The following HRH2 variants were observed in gnomAD, a reference collection of about 807,000 sequenced individuals.
The protein encoded by HRH2 is histamine receptor H2.
In HRH2, 4 loss-of-function variants were observed where a neutral mutation model predicts 20.1. That is an observed-to-expected ratio of 0.20 (90% confidence interval 0.10 to 0.45). HRH2 has a LOEUF of 0.45. Ranked by LOEUF, HRH2 falls within the 20% of genes least tolerant of loss-of-function variation. The probability of loss-of-function intolerance (pLI) is 0.99; values close to 1 mark genes in which losing one functional copy is unlikely to be tolerated. For synonymous variants in HRH2, 197 were observed against 200.7 expected (o/e 0.98, Z 0.16); for missense variants, 250 against 461.6 (o/e 0.54, Z 4.20).
intron 1 of HRH2, among the ~76,000 whole-genome samples, chr5:175,682,193 A>G (rs1756003458): frequency 6.6e-6 from 1 of 152,192 alleles, no homozygotes; most frequent in Admixed American, 6.5e-5. Flanking sequence ...TTATTACCTG[A>G]CCCTTTTCTG....
chr5:175,704,744 A>G (rs531233119), intron 2 of HRH2, among the ~76,000 whole-genome samples: 118 of 152,316 alleles, frequency 7.7e-4, no homozygotes, highest in African/African-American at 2.6e-3. Flanking sequence ...ATTGCCAGAC[A>G]TAAAATCAAC....
chr5:175,684,536 G>A (rs1220843368), intron 2 of HRH2, among the ~76,000 whole-genome samples: 1 of 152,248 alleles, frequency 6.6e-6, no homozygotes, highest in Non-Finnish European at 1.5e-5. Flanking sequence ...GACTTGGCAA[G>A]GGCCGCACAG....
chr5:175,680,604 A>G (rs1755929457), intron 1 of HRH2, among the ~76,000 whole-genome samples: 1 of 152,224 alleles, frequency 6.6e-6, no homozygotes, highest in African/African-American at 2.4e-5. Context: ...CAAGGGTGAC[A>G]TGATTCTTCC....
intron 1 of HRH2, among the ~76,000 whole-genome samples, chr5:175,674,806 C>G (rs1755700022): frequency 6.6e-6 from 1 of 152,216 alleles, no homozygotes; most frequent in South Asian, 2.1e-4. Flanking sequence ...CTCCAAGGAA[C>G]AGCCACAGCC....
rs1421973416 is a variant in HRH2, at chr5:175,693,700, C to A, written c.1076+9391C>A. On this transcript the variant is annotated intron_variant, in intron 2 of 2. Coordinates refer to ENST00000636584, the MANE Select transcript of HRH2 (RefSeq NM_001367711.1). This position sits in a 1 kb window ranked among gnomAD's most constrained non-coding sequence, Gnocchi z 4.4. ...CATGTCTGTTGCCATCCTTCCTATT[C>A]CCTGAAGTCACAGCTCTGTGCTCCC... Among the ~76,000 whole-genome samples the A allele has an allele frequency of 1.3e-5, 2 of 152,182 alleles. No individual in the cohort carries two copies. The highest frequency in any genetic ancestry group is 4.8e-5 in the African/African-American group (2 of 41,444).
rs763321283 is a variant in HRH2 at position 175,672,478 on chromosome 5, G to A, written c.-525-10231G>A. On this transcript the variant is annotated intron_variant, in intron 1 of 2. Coordinates refer to ENST00000636584, the MANE Select transcript of HRH2 (RefSeq NM_001367711.1). ...TAAACCTTAATTTTCTTATCTATAAGATAGAGATGAATAGTGGTACCCACA... is the reference window on the plus strand; with the variant it reads ...TAAACCTTAATTTTCTTATCTATAAAATAGAGATGAATAGTGGTACCCACA... 3.0e-4 allele frequency among the ~76,000 whole-genome samples: 45 copies of A among 152,200 alleles called. 1 individual carries two copies. Among genetic ancestry groups the A allele is most frequent in the Non-Finnish European group, 4.4e-5 (3 of 68,044 alleles).
intron 2 of HRH2, among the ~76,000 whole-genome samples, chr5:175,706,846 C>G (rs959557369): frequency 6.6e-6 from 1 of 152,204 alleles, no homozygotes; most frequent in Non-Finnish European, 1.5e-5. Context: ...CAGGTGGACG[C>G]TAAAGGCATG....
chr5:175,660,094 C>T (rs914734628), intron 1 of HRH2, among the ~76,000 whole-genome samples: 5 of 152,128 alleles, frequency 3.3e-5, no homozygotes, highest in East Asian at 1.9e-4. Context: ...GCGATGCGTC[C>T]GTGGGAAAAA....
At chr5:175,702,725 C>T (rs7721092) in intron 2 of HRH2, among the ~76,000 whole-genome samples, 22,892 of 122,868 alleles carry the variant, frequency 0.19, 4,171 homozygotes, top group African/African-American at 0.48. Flanking sequence ...CTAATTTTTT[C>T]TTTTTTTTTT....
At chr5:175,707,440 A>G (rs1581473989) in intron 2 of HRH2, among the ~76,000 whole-genome samples, 3 of 152,300 alleles carry the variant, frequency 2.0e-5, no homozygotes, top group African/African-American at 7.2e-5. Flanking sequence ...AAAAACCACA[A>G]ACACAAAAAC....
chr5:175,700,909 A>T (rs566403267), intron 2 of HRH2, among the ~76,000 whole-genome samples: 326 of 152,280 alleles, frequency 2.1e-3, no homozygotes, highest in African/African-American at 7.3e-3. Context: ...AAGAAAAGAA[A>T]AACAGGATAA....
chr5:175,694,687 C>A (rs1436186730), intron 2 of HRH2, among the ~76,000 whole-genome samples: 1 of 152,148 alleles, frequency 6.6e-6, no homozygotes, highest in Non-Finnish European at 1.5e-5. Context: ...ATTTCTGTTT[C>A]CCTACAGGGG....
chr5:175,700,996 A>G (rs1414789243), intron 2 of HRH2, among the ~76,000 whole-genome samples: 2 of 152,254 alleles, frequency 1.3e-5, no homozygotes, highest in East Asian at 3.8e-4. Flanking sequence ...CACAGATGCA[A>G]GAAATAGCAG....
intron 2 of HRH2, among the ~76,000 whole-genome samples, chr5:175,694,451 G>A (rs528093209): frequency 4.4e-4 from 67 of 152,186 alleles, no homozygotes; most frequent in Non-Finnish European, 7.8e-4. Flanking sequence ...ATAGTCGGCC[G>A]GCTCCTGGGC....
chr5:175,702,545 C>CTTTT (rs1163403100), intron 2 of HRH2, among the ~76,000 whole-genome samples: 134 of 86,088 alleles, frequency 1.6e-3, no homozygotes, highest in Non-Finnish European at 1.8e-3. Flanking sequence ...AGTATACCAT[C>CTTTT]TTTTTTTTTT....
chr5:175,665,326 G>A (rs978488541), intron 1 of HRH2, among the ~76,000 whole-genome samples: 1 of 152,188 alleles, frequency 6.6e-6, no homozygotes, highest in East Asian at 1.9e-4. Flanking sequence ...GAGAGGGGGA[G>A]TAGAGGCAGC....
At position 175,687,605 on chromosome 5, in the gene HRH2, C is replaced by T. The variant is rs578016470; in HGVS notation, c.1076+3296C>T. 5.3e-5 allele frequency among the ~76,000 whole-genome samples: 8 copies of T among 152,178 alleles called. No individual in the cohort carries two copies. Among genetic ancestry groups the T allele is most frequent in the East Asian group, 1.9e-4 (1 of 5,156 alleles). ...CAGCTCACCCCACAGTCAGGGGCCCCGGCTGGTCCCACCATTCGAGAACCT... is the reference window on the plus strand; with the variant it reads ...CAGCTCACCCCACAGTCAGGGGCCCTGGCTGGTCCCACCATTCGAGAACCT... On this transcript the variant is annotated intron_variant, in intron 2 of 2. Transcript: ENST00000636584. This position sits in a 1 kb window ranked among gnomAD's most constrained non-coding sequence, Gnocchi z 5.2.
chr5:175,669,438 A>C (rs1179009009), intron 1 of HRH2, among the ~76,000 whole-genome samples: 1 of 147,270 alleles, frequency 6.8e-6, no homozygotes, highest in Non-Finnish European at 1.5e-5. Flanking sequence ...ATCTCGGCTC[A>C]CTGCAACCTC....
chr5:175,668,954 G>T (rs532093922), intron 1 of HRH2, among the ~76,000 whole-genome samples: 2 of 152,252 alleles, frequency 1.3e-5, no homozygotes, highest in East Asian at 3.9e-4. Flanking sequence ...AGAATCAATC[G>T]TGCAGTTCCT....
Sources: gnomAD v4.1 joint callset for allele counts (sites outside exome capture counted in the v4.1 genomes callset) on GRCh38, gnomAD v4.1.1 for gene constraint, Gnocchi (gnomAD v3.1) non-coding constraint, MANE v1.5 for transcripts, NCBI Gene and HGNC (gene_info 2026-07-23, HGNC 2026-07-21) for gene names.